Variants in PECAM1 observed in about 807,000 individuals in gnomAD.
PECAM1 encodes platelet and endothelial cell adhesion molecule 1.
In PECAM1, 8 loss-of-function variants were observed where a neutral mutation model predicts 13.8. The ratio of observed to expected loss-of-function variants is 0.58; its 90% CI spans 0.34 to 1.05. The LOEUF is 1.05. Among genes scored for constraint, PECAM1 ranks in the 50% least tolerant of loss-of-function variants. PECAM1 has a pLI of 0.03. For missense variants in PECAM1, 304 were observed against 141.2 expected, an observed-to-expected ratio of 2.15 and a Z score of -5.84; for synonymous variants, 136 against 52.6, an observed-to-expected ratio of 2.58 and a Z score of -6.86.
chr17:64,384,062 T>C (rs1598056900), intron 2 of PECAM1, among the ~76,000 whole-genome samples: 1 of 151,902 alleles, frequency 6.6e-6, no homozygotes, highest in African/African-American at 2.4e-5. Context: ...ATCCAGGAGG[T>C]AGAGGTTGCA....
intron 2 of PECAM1, among the ~76,000 whole-genome samples, chr17:64,389,160 C>T (rs1486605982): frequency 2.6e-5 from 4 of 152,162 alleles, no homozygotes; most frequent in African/African-American, 7.2e-5. Context: ...GCCACTGCTC[C>T]GAGGCTTGAC....
chr17:64,378,545 G>C (rs1235644697), intron 2 of PECAM1, among the ~76,000 whole-genome samples: 4 of 152,072 alleles, frequency 2.6e-5, no homozygotes, highest in Non-Finnish European at 5.9e-5. Flanking sequence ...GAGAGGCTGA[G>C]GCACAAGAAT....
chr17:64,353,348 A>G (rs1259247883), intron 10 of PECAM1, 143 bp downstream of exon 10: 1 of 401,168 alleles, frequency 2.5e-6, no homozygotes, highest in Non-Finnish European at 4.5e-6. Flanking sequence ...CACAACTCAC[A>G]CACACAACTC....
chr17:64,340,052 T>C (rs6504220), intron 14 of PECAM1, among the ~76,000 whole-genome samples: 100,817 of 151,966 alleles, frequency 0.66, 34,966 homozygotes, highest in Middle Eastern at 0.84. Flanking sequence ...TTGGGAGGAT[T>C]GCTTAAGCCT....
At chr17:64,328,997 T>C in intron 15 of PECAM1, among the ~76,000 whole-genome samples, 1 of 152,264 alleles carries the variant, frequency 6.6e-6, no homozygotes, top group East Asian at 1.9e-4. Flanking sequence ...ATTTAAGCCC[T>C]GACTTATCTT....
At chr17:64,363,825 T>A (rs1284709078) in intron 5 of PECAM1, among the ~76,000 whole-genome samples, 1 of 151,818 alleles carries the variant, frequency 6.6e-6, no homozygotes, top group Non-Finnish European at 1.5e-5. Context: ...GCGCCTGTAA[T>A]CCCAGATACT....
chr17:64,359,714 T>C (rs2035928842), intron 7 of PECAM1, among the ~76,000 whole-genome samples: 1 of 151,534 alleles, frequency 6.6e-6, no homozygotes, highest in South Asian at 2.1e-4. Context: ...CTTTGGTGCA[T>C]ATCTAGTATA....
rs1244827385 is a variant in PECAM1 at position 64,341,396 on chromosome 17, G to T, written c.2164+238C>A. Among the ~76,000 whole-genome samples, 4 of 152,336 alleles carry T rather than the reference G, an allele frequency of 2.6e-5. No individual in the cohort carries two copies. The East Asian group carries it at 7.7e-4, about 29-fold the overall frequency. On this transcript the variant is annotated intron_variant, in intron 14 of 15. Transcript: ENST00000563924. ...GGGCCTGTGTGGGGAGCAGGTAAGG[G>T]TCACCGGCTGGGGTCAGTAAGCATT...
intron 7 of PECAM1, among the ~76,000 whole-genome samples, chr17:64,357,151 T>C (rs1456022513): frequency 6.6e-6 from 1 of 152,192 alleles, no homozygotes; most frequent in Non-Finnish European, 1.5e-5. Context: ...TCTTCCCTTC[T>C]TACCTGGCAC....
At chr17:64,338,864 T>C (rs1203755119) in intron 14 of PECAM1, among the ~76,000 whole-genome samples, 1 of 152,122 alleles carries the variant, frequency 6.6e-6, no homozygotes, top group Non-Finnish European at 1.5e-5. Context: ...CAGCCTAAGA[T>C]GCTTTATAGA....
intron 13 of PECAM1, among the ~76,000 whole-genome samples, chr17:64,347,897 A>G (rs2143761759): frequency 1.3e-5 from 2 of 151,168 alleles, no homozygotes; most frequent in South Asian, 4.2e-4. Context: ...GAGCCGGCTA[A>G]TTTTTGTATT....
intron 2 of PECAM1, among the ~76,000 whole-genome samples, chr17:64,382,240 T>C (rs2036497813): frequency 2.0e-5 from 3 of 152,222 alleles, no homozygotes; most frequent in Admixed American, 2.0e-4. Context: ...CTCCTTCATT[T>C]TAAGCTATGC....
intron 3 of PECAM1, 39 bp downstream of exon 3, chr17:64,377,785 G>A: frequency 4.2e-6 from 2 of 474,486 alleles, no homozygotes; most frequent in Non-Finnish European, 7.7e-6. Flanking sequence ...TGTGTGCTAT[G>A]CTCCATCTGC....
At chr17:64,357,919 C>T (rs894391804) in intron 7 of PECAM1, among the ~76,000 whole-genome samples, 11 of 152,144 alleles carry the variant, frequency 7.2e-5, no homozygotes, top group Admixed American at 5.2e-4. Context: ...TGGATCGTTC[C>T]GAGAACTCAT....
At chr17:64,353,306 TACACAC>T (rs138867178) in intron 10 of PECAM1, among the ~76,000 whole-genome samples, 179 bp downstream of exon 10, 6 of 28,302 alleles carry the variant, frequency 2.1e-4, no homozygotes, top group Admixed American at 1.3e-3. Flanking sequence ...TCCACGGAGG[TACACAC>T]ACACACACAC....
intron 4 of PECAM1, among the ~76,000 whole-genome samples, chr17:64,374,183 T>C (rs1259190444): frequency 2.0e-5 from 3 of 152,214 alleles, no homozygotes; most frequent in Admixed American, 6.5e-5. Context: ...TAGTGTGTCA[T>C]GGCCAGTGTT....
rs1392555113 is a variant in PECAM1, at chr17:64,368,895, C to T, written c.967+855G>A. 5.2e-4 allele frequency among the ~76,000 whole-genome samples: 77 copies of T among 147,736 alleles called. No individual in the cohort carries two copies. The East Asian group carries it at 0.015, about 28-fold the overall frequency. ...AAAGAAAAGAAAATGTATATAAACC[C>T]ATCATGCAATGTTCAACAAAGGGTA... On this transcript the variant is annotated intron_variant, in intron 5 of 15. Transcript: ENST00000563924.
intron 13 of PECAM1, among the ~76,000 whole-genome samples, chr17:64,345,346 T>G (rs1395142836): frequency 6.6e-6 from 1 of 152,158 alleles, no homozygotes. Flanking sequence ...AGGGTCTGTA[T>G]GTGCTTGTGC....
chr17:64,389,239 C>T (rs1294657172), intron 2 of PECAM1, among the ~76,000 whole-genome samples: 3 of 152,304 alleles, frequency 2.0e-5, no homozygotes, highest in African/African-American at 7.2e-5. Flanking sequence ...ACCCAGTCAC[C>T]TCCATTCTTT....
Sources: allele counts gnomAD v4.1 joint callset (sites outside exome capture counted in the v4.1 genomes callset), GRCh38; gene constraint gnomAD v4.1.1; transcripts MANE v1.5; gene names NCBI Gene and HGNC (gene_info 2026-07-23, HGNC 2026-07-21).